MTO1: variants seen among roughly 807,000 people sequenced by gnomAD.
MTO1 encodes the protein 5-taurinomethyluridine-[tRNA] synthase subunit MTO1, mitochondrial.
MTO1 carries 46 observed loss-of-function variants against 71.6 expected under a neutral mutation model. The ratio of observed to expected loss-of-function variants is 0.64; its 90% CI spans 0.51 to 0.82. The LOEUF (loss-of-function observed/expected upper bound fraction) is 0.82, where lower values mean the gene tolerates loss of function less well. Among genes scored for constraint, MTO1 ranks in the 40% least tolerant of loss-of-function variants. The pLI, the probability that MTO1 is intolerant of heterozygous loss-of-function variation, is 0.00. For missense variants in MTO1, 773 were observed against 867.5 expected (o/e 0.89, Z 1.37); for synonymous variants, 297 against 312.1 (o/e 0.95, Z 0.51).
chr6:73,486,562 A>G (rs1771658730), intron 9 of MTO1: 1 of 434,622 alleles, frequency 2.3e-6, no homozygotes, highest in South Asian at 1.6e-5. Context: ...ACATGGTGAA[A>G]CCTCGTCTCT....
intron 3 of MTO1, among the ~76,000 whole-genome samples, chr6:73,472,301 G>T (rs1771180289): frequency 6.6e-6 from 1 of 151,700 alleles, no homozygotes. Flanking sequence ...TTGTCCTTTT[G>T]GTTTTATACC....
intron 10 of MTO1, among the ~76,000 whole-genome samples, chr6:73,494,651 AT>A (rs1561953200): frequency 6.7e-6 from 1 of 150,054 alleles, no homozygotes; most frequent in East Asian, 2.0e-4. Flanking sequence ...TAATTTTTTT[AT>A]TTTTAGTAGA....
At chr6:73,493,029 T>G (rs1327460721) in intron 10 of MTO1, among the ~76,000 whole-genome samples, 1 of 144,680 alleles carries the variant, frequency 6.9e-6, no homozygotes, top group Non-Finnish European at 1.5e-5. Flanking sequence ...AGTTTCCTTC[T>G]TCTTGCCCAG....
chr6:73,500,720 A>G lies in MTO1; in HGVS notation c.2064A>G (p.Gln688=), dbSNP rs372208655. The G allele has an allele frequency of 1.1e-5, 17 of 1,595,288 alleles. No individual in the cohort carries two copies. Among genetic ancestry groups the G allele is most frequent in the Admixed American group, 3.5e-5 (2 of 56,442 alleles). ...ACTTATGTGATGCAGACAGACTTCA[A>G]GAGAGAGAGTTATAGCTTTCAATTC... is the stretch of plus-strand genomic sequence containing the variant. ...DQYLCDADRL[Q]EREL is the part of the protein sequence containing the mutation. The change falls in exon 12 of 12, where the codon CAA becomes CAG. Residue 688 remains glutamine, a synonymous_variant. Transcript: ENST00000498286.
In MTO1 at chr6:73,492,410, C is replaced by T. The variant is rs1396129586; in HGVS notation, c.1756+58C>T. 3 of 1,139,958 alleles carry T rather than the reference C, an allele frequency of 2.6e-6. No homozygotes were observed. The East Asian group carries it at 7.1e-5, about 27-fold the overall frequency. 70.6% of individuals were successfully genotyped at this position (1,139,958 alleles called of 1,614,324 possible). On this transcript the variant is annotated intron_variant, in intron 10 of 11. Transcript: ENST00000498286. ...ATCATATGTGCAAATTATGAATAGACAACAGATCCATTATTACTGTTGGAC... is the reference window on the plus strand; with the variant it reads ...ATCATATGTGCAAATTATGAATAGATAACAGATCCATTATTACTGTTGGAC...
Position 73,482,154 on chromosome 6 carries a change from A to C in MTO1, c.1375A>C (p.Thr459Pro). Reference protein sequence around the residue: ...VLIDDLTTLGTSEPYRMFTSR... With the variant: ...VLIDDLTTLGPSEPYRMFTSR... ...GATTGATGACCTCACTACTCTGGGC[A>C]CCAGTGAACCATACCGCATGTTTAC... The change falls in exon 8 of 12, where the codon ACC becomes CCC. Residue 459 changes from threonine (T) to proline (P), a missense_variant. Thr to Pro is a conservative substitution (Grantham distance 38). Transcript: ENST00000498286. 1 of 1,614,176 alleles carries C rather than the reference A, an allele frequency of 6.2e-7. No individual in the cohort carries two copies. The highest frequency in any genetic ancestry group is 1.3e-5 in the African/African-American group (1 of 75,042).
chr6:73,492,339 A>G lies in MTO1; in HGVS notation c.1743A>G (p.Arg581=). The G allele has an allele frequency of 1.9e-6, 3 of 1,607,906 alleles. No homozygotes were observed. Among genetic ancestry groups the G allele is most frequent in the Non-Finnish European group, 2.6e-6 (3 of 1,174,472 alleles). ...KYTKCRELAE[R]LKIEATYESV... Reference sequence around the variant, plus strand: ...CTAAATGTAGAGAGCTGGCTGAAAGACTGAAAATAGAAGGTAGAAAATAAT... The same window carrying G: ...CTAAATGTAGAGAGCTGGCTGAAAGGCTGAAAATAGAAGGTAGAAAATAAT... The change falls in exon 10 of 12, where the codon AGA becomes AGG. Residue 581 remains arginine, a synonymous_variant. Coordinates refer to ENST00000498286, the MANE Select transcript of MTO1 (RefSeq NM_012123.4).
In MTO1 at chr6:73,503,451, TAAAC is replaced by T. The variant is rs1427347461; in HGVS notation, c.*2720_*2723del. 6.6e-6 allele frequency: 1 copy of T among 152,204 alleles called. No individual in the cohort carries two copies. The highest frequency in any genetic ancestry group is 1.5e-5 in the Non-Finnish European group (1 of 68,044). 9.4% of individuals were successfully genotyped at this position (152,204 alleles called of 1,614,324 possible). ...AATCCACAATGTTTGTATGTTAACTTAAACAAAATTACATCACTTAATATGTCAA... is the reference window on the plus strand; with the variant it reads ...AATCCACAATGTTTGTATGTTAACTTAAAATTACATCACTTAATATGTCAA... On this transcript the variant is annotated 3_prime_UTR_variant, in exon 12 of 12. Transcript: ENST00000498286.
At chr6:73,471,058 A>G (rs1771149029) in intron 3 of MTO1, among the ~76,000 whole-genome samples, 1 of 152,026 alleles carries the variant, frequency 6.6e-6, no homozygotes, top group African/African-American at 2.4e-5. Flanking sequence ...TGGTCTTTCT[A>G]CCTAGGCATA....
chr6:73,498,639 G>A (rs1772067016), intron 11 of MTO1, among the ~76,000 whole-genome samples: 2 of 151,738 alleles, frequency 1.3e-5, no homozygotes, highest in Non-Finnish European at 2.9e-5. Flanking sequence ...AATTAGTATT[G>A]GGCTTCTAAT....
Position 73,480,023 on chromosome 6 carries a change from C to T in MTO1, c.1026C>T (p.Asp342=), listed in dbSNP as rs780123184. 24 of 1,613,980 alleles carry T rather than the reference C, an allele frequency of 1.5e-5. No homozygotes were observed. Among genetic ancestry groups the T allele is most frequent in the Non-Finnish European group, 1.9e-5 (22 of 1,179,978 alleles). ...VWLEPEGMDS[D]LIYPQGLSMT... ...TGGAACCTGAAGGAATGGATTCTGA[C>T]CTTATCTACCCACAGGGGTTATCTA... Residue 342 remains aspartate, a synonymous_variant, in exon 6 of 12, where the codon GAC becomes GAT. Coordinates refer to ENST00000498286, the MANE Select transcript of MTO1 (RefSeq NM_012123.4).
At chr6:73,476,080 C>CA (rs1243821292) in intron 4 of MTO1, among the ~76,000 whole-genome samples, 1 of 151,938 alleles carries the variant, frequency 6.6e-6, no homozygotes, top group Non-Finnish European at 1.5e-5. Flanking sequence ...AGTTAACCCT[C>CA]AGCTGGGCGT....
At chr6:73,483,930 C>T (rs1011948876) in intron 9 of MTO1, among the ~76,000 whole-genome samples, 6 of 152,000 alleles carry the variant, frequency 3.9e-5, no homozygotes, top group African/African-American at 1.4e-4. Context: ...AGGCATGCAC[C>T]ACCACACCCG....
At chr6:73,480,911 C>T in intron 7 of MTO1, 106 bp downstream of exon 7, 1 of 1,146,016 alleles carries the variant, frequency 8.7e-7, no homozygotes, top group East Asian at 3.2e-5. Context: ...ACAATTCATA[C>T]TAATAGAAGA....
intron 9 of MTO1, among the ~76,000 whole-genome samples, chr6:73,483,481 C>A (rs1368670043): frequency 2.6e-5 from 4 of 151,862 alleles, no homozygotes; most frequent in Non-Finnish European, 4.4e-5. Context: ...TTCTCTGTGG[C>A]TCCCATTGAG....
chr6:73,473,877 C>T (rs1043651544), intron 4 of MTO1, among the ~76,000 whole-genome samples: 3 of 151,148 alleles, frequency 2.0e-5, no homozygotes, highest in Non-Finnish European at 1.5e-5. Flanking sequence ...GCCTTGACCT[C>T]CTGGGCTCAA....
rs796519948 is a variant in MTO1 at position 73,470,162 on chromosome 6, G to A, written c.536-3203G>A. Among the ~76,000 whole-genome samples, 3 of 151,988 alleles carry A rather than the reference G, an allele frequency of 2.0e-5. No individual in the cohort carries two copies. In the East Asian group the frequency reaches 5.8e-4, roughly 29 times the overall value. ...ATGGTAAGAGAGGCTGTGCCAGGGA[G>A]TGTCATCTTTTATTTTATTTTATTT... On this transcript the variant is annotated intron_variant, in intron 3 of 11. Transcript: ENST00000498286.
intron 9 of MTO1, among the ~76,000 whole-genome samples, chr6:73,489,459 C>G (rs1374321599): frequency 7.7e-6 from 1 of 129,604 alleles, no homozygotes; most frequent in Admixed American, 8.3e-5. Flanking sequence ...CAACAGGCCC[C>G]GGCATGTGAT....
intron 1 of MTO1, 75 bp downstream of exon 1, chr6:73,462,146 G>A (rs1367352682): frequency 2.7e-6 from 4 of 1,486,244 alleles, no homozygotes; most frequent in Admixed American, 3.5e-5. Context: ...GGTCTGAAGC[G>A]GGGGACCTCT....
Sources: allele counts gnomAD v4.1 joint callset (sites outside exome capture counted in the v4.1 genomes callset), GRCh38; gene constraint gnomAD v4.1.1; transcripts MANE v1.5; gene names NCBI Gene and HGNC (gene_info 2026-07-23, HGNC 2026-07-21).